SLC25A26: variants seen among roughly 807,000 people sequenced by gnomAD.
SLC25A26 encodes the protein mitochondrial S-adenosylmethionine carrier protein.
A neutral mutation model predicts 37.8 loss-of-function variants in SLC25A26; 36 were observed. That is an observed-to-expected ratio of 0.95 (90% CI 0.73 to 1.26). SLC25A26 has a LOEUF of 1.26. SLC25A26 is among the 50% of genes most tolerant of loss of function. The pLI is 0.00. For missense variants in SLC25A26, 390 were observed against 331.1 expected, an observed-to-expected ratio of 1.18 and a Z score of -1.38; for synonymous variants, 129 against 122.5, an observed-to-expected ratio of 1.05 and a Z score of -0.35.
intron 1 of SLC25A26, among the ~76,000 whole-genome samples, chr3:66,168,189 A>G (rs1340325180): frequency 9.1e-5 from 11 of 120,248 alleles, no homozygotes; most frequent in African/African-American, 2.0e-4. Context: ...GTGTGTGTAT[A>G]TATATATATA....
chr3:66,238,542 C>G (rs563105558), intron 2 of SLC25A26, among the ~76,000 whole-genome samples: 1 of 152,168 alleles, frequency 6.6e-6, no homozygotes, highest in East Asian at 1.9e-4. Flanking sequence ...GCCACCACAC[C>G]TGGCTAATTT....
Position 66,314,830 on chromosome 3 carries a change from A to C in SLC25A26, c.454-31534A>C, listed in dbSNP as rs144176482. The stretch of plus-strand genomic sequence containing the variant: ...GTTATTGGTCTAGTCAGAGATTCCA[A>C]TTCCTTTTGGTTCATTCTTGGGAGG... On this transcript the variant is annotated intron_variant, in intron 5 of 9. Coordinates refer to ENST00000354883, the MANE Select transcript of SLC25A26 (RefSeq NM_001379210.1). Among the ~76,000 whole-genome samples, 4 of 151,764 alleles carry C rather than the reference A, an allele frequency of 2.6e-5. No homozygotes were observed. The East Asian group carries it at 7.7e-4, about 29-fold the overall frequency.
At chr3:66,294,083 A>G (rs548970138) in intron 5 of SLC25A26, among the ~76,000 whole-genome samples, 111 of 152,236 alleles carry the variant, frequency 7.3e-4, no homozygotes, top group Middle Eastern at 3.4e-3. Context: ...TAATAGGCAT[A>G]GGGTTGAATC....
intron 1 of SLC25A26, among the ~76,000 whole-genome samples, chr3:66,139,441 T>G (rs536252642): frequency 6.6e-6 from 1 of 152,218 alleles, no homozygotes; most frequent in Non-Finnish European, 1.5e-5. Context: ...CCATAATTTA[T>G]AGTGATTTAG....
At chr3:66,287,220 T>C (rs904582785) in intron 5 of SLC25A26, among the ~76,000 whole-genome samples, 4 of 149,866 alleles carry the variant, frequency 2.7e-5, no homozygotes, top group African/African-American at 9.9e-5. Context: ...AGCGTGAACC[T>C]GGGAGGCGGA....
chr3:66,158,916 C>T (rs1367168554), intron 1 of SLC25A26, among the ~76,000 whole-genome samples: 2 of 152,046 alleles, frequency 1.3e-5, no homozygotes, highest in African/African-American at 4.8e-5. Context: ...TCCAAGTGAC[C>T]AGGTTCAACA....
chr3:66,356,837 C>G (rs2076587875), intron 6 of SLC25A26, among the ~76,000 whole-genome samples: 1 of 152,058 alleles, frequency 6.6e-6, no homozygotes, highest in African/African-American at 2.4e-5. Context: ...CTGTGTTGCT[C>G]AGGCTGGTCT....
chr3:66,239,156 G>A lies in SLC25A26; in HGVS notation c.190+2456G>A, dbSNP rs145027386. On this transcript the variant is annotated intron_variant, in intron 2 of 9. Coordinates refer to ENST00000354883, the MANE Select transcript of SLC25A26 (RefSeq NM_001379210.1). ...TCTTCTCCCTTGTCATTTGACACTG[G>A]TTTGGAAGCACTCATCTCCACCAAG... Among the ~76,000 whole-genome samples, 6 of 152,126 alleles carry A rather than the reference G, an allele frequency of 3.9e-5. No individual in the cohort carries two copies. The East Asian group carries it at 7.7e-4, about 20-fold the overall frequency.
At chr3:66,145,292 G>T (rs758590101) in intron 1 of SLC25A26, among the ~76,000 whole-genome samples, 4 of 152,140 alleles carry the variant, frequency 2.6e-5, no homozygotes, top group African/African-American at 9.7e-5. Context: ...GTTCCCAGTC[G>T]TTCTGGTGGA....
At chr3:66,289,731 A>G (rs1490590156) in intron 5 of SLC25A26, among the ~76,000 whole-genome samples, 5 of 152,104 alleles carry the variant, frequency 3.3e-5, no homozygotes, top group Admixed American at 6.5e-5. Context: ...GCCTTGTAGT[A>G]TAGTTTGAAG....
At chr3:66,282,488 T>C (rs74322099) in intron 5 of SLC25A26, among the ~76,000 whole-genome samples, 1,815 of 152,286 alleles carry the variant, frequency 0.012, 42 homozygotes, top group African/African-American at 0.041. Context: ...TAGCAAGGTA[T>C]CTTAGTCTTA....
intron 5 of SLC25A26, among the ~76,000 whole-genome samples, chr3:66,297,807 GA>G (rs990589132): frequency 6.6e-6 from 1 of 152,192 alleles, no homozygotes; most frequent in Non-Finnish European, 1.5e-5. Flanking sequence ...ACTCTTTACA[GA>G]AAAAGTTTTC....
chr3:66,352,205 C>T (rs2076468934), intron 6 of SLC25A26, among the ~76,000 whole-genome samples: 1 of 152,104 alleles, frequency 6.6e-6, no homozygotes. Flanking sequence ...GACCCTGTCT[C>T]TTAAAAAAAT....
In SLC25A26 at chr3:66,285,506, C is replaced by A. The variant is rs1001766297; in HGVS notation, c.453+22127C>A. Among the ~76,000 whole-genome samples the A allele has an allele frequency of 8.0e-5, 4 of 50,276 alleles. 1 individual carries two copies. Among genetic ancestry groups the A allele is most frequent in the African/African-American group, 1.1e-4 (1 of 9,056 alleles). The allele number at this position is 50,276 out of a possible 152,430, so 33.0% of individuals were successfully genotyped here. A position where few individuals can be genotyped will look rare whatever the true frequency, so the allele number is the denominator to read the frequency against. ...ATAAATTCTTTTAAATAATCCCAGG[C>A]TGGAGTGCAGTGGTGTAGTCATGGC... On this transcript the variant is annotated intron_variant, in intron 5 of 9. Coordinates refer to ENST00000354883, the MANE Select transcript of SLC25A26 (RefSeq NM_001379210.1).
intron 6 of SLC25A26, among the ~76,000 whole-genome samples, chr3:66,347,419 A>G (rs925731562): frequency 7.2e-5 from 11 of 152,224 alleles, no homozygotes; most frequent in African/African-American, 2.7e-4. Flanking sequence ...CAAAACCACA[A>G]TGAGATACCG....
At chr3:66,296,071 C>G (rs906377219) in intron 5 of SLC25A26, among the ~76,000 whole-genome samples, 1 of 151,968 alleles carries the variant, frequency 6.6e-6, no homozygotes, top group Non-Finnish European at 1.5e-5. Context: ...GAGCCGTGAT[C>G]GCACCATTGC....
At chr3:66,326,103 A>G (rs546825811) in intron 5 of SLC25A26, among the ~76,000 whole-genome samples, 8 of 152,280 alleles carry the variant, frequency 5.3e-5, no homozygotes, top group African/African-American at 1.4e-4. Context: ...TTCTGACACA[A>G]CCACCTGGAT....
intron 5 of SLC25A26, among the ~76,000 whole-genome samples, chr3:66,343,134 G>A (rs2076246613): frequency 6.6e-6 from 1 of 152,156 alleles, no homozygotes; most frequent in Non-Finnish European, 1.5e-5. Context: ...CGCGGGGAGG[G>A]AGCTAGCTTT....
chr3:66,268,738 T>C (rs2073850866), intron 5 of SLC25A26, among the ~76,000 whole-genome samples: 1 of 152,330 alleles, frequency 6.6e-6, no homozygotes, highest in East Asian at 1.9e-4. Flanking sequence ...AATCCCCACG[T>C]GGCAGGGGAG....
Sources: allele counts gnomAD v4.1 joint callset (sites outside exome capture counted in the v4.1 genomes callset), GRCh38; gene constraint gnomAD v4.1.1; transcripts MANE v1.5; gene names NCBI Gene and HGNC (gene_info 2026-07-23, HGNC 2026-07-21).